The following MET variants were observed in gnomAD, a reference collection of about 807,000 sequenced individuals.
MET encodes the protein hepatocyte growth factor receptor.
Under a neutral mutation model 133.1 loss-of-function variants are expected in MET, and 48 were observed. That is an observed-to-expected ratio of 0.36 (90% confidence interval 0.29 to 0.46). The LOEUF (loss-of-function observed/expected upper bound fraction) is 0.46. Among genes scored for constraint, MET ranks in the 20% least tolerant of loss-of-function variants. The pLI, the probability that MET is intolerant of heterozygous loss-of-function variation, is 1.00. For missense variants in MET, 1,442 were observed against 1,695.9 expected, an observed-to-expected ratio of 0.85 and a Z score of 2.63; for synonymous variants, 628 against 616.5, an observed-to-expected ratio of 1.02 and a Z score of -0.28.
chr7:116,792,502 C>CACACACACACACACA (rs1795540633), intron 19 of MET, among the ~76,000 whole-genome samples: 3 of 132,528 alleles, frequency 2.3e-5, no homozygotes, highest in South Asian at 2.6e-4. Context: ...CACACACACA[C>CACACACACACACACA]CAGCTTCTCT....
chr7:116,742,626 A>G (rs1793504923), intron 5 of MET, among the ~76,000 whole-genome samples: 1 of 152,252 alleles, frequency 6.6e-6, no homozygotes, highest in African/African-American at 2.4e-5. Flanking sequence ...CCTTTTACTA[A>G]GCATAAAAGC....
intron 1 of MET, among the ~76,000 whole-genome samples, chr7:116,694,877 G>C (rs922954878): frequency 6.6e-6 from 1 of 151,954 alleles, no homozygotes; most frequent in African/African-American, 2.4e-5. Flanking sequence ...AGTAGAGACG[G>C]GGTTTCACCA....
chr7:116,763,138 A>G lies in MET; in HGVS notation c.2453A>G (p.Lys818Arg). 6.2e-7 allele frequency: 1 copy of G among 1,614,010 alleles called. No individual in the cohort carries two copies. Among genetic ancestry groups the G allele is most frequent in the Non-Finnish European group, 8.5e-7 (1 of 1,179,948 alleles). ...AATCTGCAACTCCCCCTGAAAACCA[A>G]AGCCTTTTTCATGTTAGATGGGATC... ...QLNLQLPLKT[K>R]AFFMLDGILS... The change falls in exon 11 of 21, where the codon AAA becomes AGA. Residue 818 changes from lysine (K) to arginine (R), a missense_variant. Physicochemically the swap from Lys to Arg is conservative, Grantham distance 26. This residue lies in a region of MET where 514 missense variants were observed against 659.6 expected (regional missense o/e 0.78). Transcript: ENST00000397752.
At chr7:116,771,427 G>A (rs2116990586) in intron 12 of MET, 71 bp from the exon 13 acceptor site, 1 of 1,587,044 alleles carries the variant, frequency 6.3e-7, no homozygotes, top group African/African-American at 1.3e-5. Flanking sequence ...GGGACCCAAA[G>A]TGCTACAACC....
intron 6 of MET, among the ~76,000 whole-genome samples, chr7:116,756,967 G>A (rs1195092347): frequency 1.3e-5 from 2 of 151,946 alleles, no homozygotes; most frequent in Admixed American, 1.3e-4. Flanking sequence ...AGTGGCTTAC[G>A]CCTGTGATCC....
chr7:116,691,941 A>T (rs536074433), intron 1 of MET, among the ~76,000 whole-genome samples: 72 of 152,300 alleles, frequency 4.7e-4, no homozygotes, highest in Admixed American at 1.3e-3. Context: ...CAGTCCCAGG[A>T]GATAGGAGAG....
At chr7:116,751,828 G>A (rs1381748037) in intron 5 of MET, among the ~76,000 whole-genome samples, 5 of 152,098 alleles carry the variant, frequency 3.3e-5, no homozygotes, top group Admixed American at 6.6e-5. Context: ...TTGGGAGGCC[G>A]AGGTGGGCAG....
At chr7:116,784,628 T>C (rs1343346143) in intron 19 of MET, among the ~76,000 whole-genome samples, 2 of 152,252 alleles carry the variant, frequency 1.3e-5, no homozygotes, top group East Asian at 1.9e-4. Context: ...GGAAGAAATC[T>C]GCCCCCATGA....
rs945406056 is a variant in MET at position 116,672,533 on chromosome 7, G to C, written c.-59G>C. 4 of 397,610 alleles carry C rather than the reference G, an allele frequency of 1.0e-5. No individual in the cohort carries two copies. The Admixed American group carries it at 1.8e-4, about 18-fold the overall frequency. 24.6% of individuals were successfully genotyped at this position (397,610 alleles called of 1,614,324 possible). A position where few individuals can be genotyped will look rare whatever the true frequency, so the allele number is the denominator to read the frequency against. ...CGGGGAGGCGCGGAGCGCGCGTGTG[G>C]TCCTTGCGCCGCTGACTTCTCCACT... On this transcript the variant is annotated 5_prime_UTR_variant, in exon 1 of 21. Coordinates refer to ENST00000397752, the MANE Select transcript of MET (RefSeq NM_000245.4).
intron 6 of MET, among the ~76,000 whole-genome samples, chr7:116,755,971 C>CT (rs1794163794): frequency 6.6e-6 from 1 of 152,132 alleles, no homozygotes; most frequent in African/African-American, 2.4e-5. Context: ...GTGTTTGAGA[C>CT]TTTTTTAGAT....
Position 116,796,210 on chromosome 7 carries a change from T to C in MET, c.*86T>C. On this transcript the variant is annotated 3_prime_UTR_variant, in exon 21 of 21. Transcript: ENST00000397752. ...CCTTTAAAAGGCCATCGATATTCTTTGCTCTTGCCAAAATTGCACTATTAT... is the reference window on the plus strand; with the variant it reads ...CCTTTAAAAGGCCATCGATATTCTTCGCTCTTGCCAAAATTGCACTATTAT... 1 of 1,269,850 alleles carries C rather than the reference T, an allele frequency of 7.9e-7. No homozygotes were observed. Among genetic ancestry groups the C allele is most frequent in the South Asian group, 1.2e-5 (1 of 83,672 alleles). 78.7% of individuals were successfully genotyped at this position (1,269,850 alleles called of 1,614,324 possible).
rs1554398360 is a variant in MET at position 116,771,849 on chromosome 7, A to G, written c.2888A>G (p.Asp963Gly). ...LWLKKRKQIK[D>G]LGSELVRYDA... ...GCTCTTTCTTTCTCTCTGTTTTAAG[A>G]TCTGGGCAGTGAATTAGTTCGCTAC... The change falls in exon 14 of 21, where the codon GAT becomes GGT. Residue 963 changes from aspartate to glycine, a missense_variant and splice_region_variant. Coordinates refer to ENST00000397752, the MANE Select transcript of MET (RefSeq NM_000245.4). The G allele has an allele frequency of 6.2e-7, 1 of 1,613,788 alleles. No individual in the cohort carries two copies. The highest frequency in any genetic ancestry group is 1.7e-5 in the Admixed American group (1 of 59,974).
At chr7:116,723,979 G>A (rs968901060) in intron 2 of MET, among the ~76,000 whole-genome samples, 2 of 152,246 alleles carry the variant, frequency 1.3e-5, no homozygotes, top group African/African-American at 4.8e-5. Context: ...TACAGAGGCA[G>A]GCAGGCCTCC....
chr7:116,734,889 C>G (rs748628043), intron 3 of MET, among the ~76,000 whole-genome samples: 89 of 152,274 alleles, frequency 5.8e-4, no homozygotes, highest in Non-Finnish European at 9.8e-4. Flanking sequence ...GTCCACGTCT[C>G]CCTTCTGAGC....
At chr7:116,678,433 T>G (rs1584850259) in intron 1 of MET, among the ~76,000 whole-genome samples, 1 of 27,454 alleles carries the variant, frequency 3.6e-5, no homozygotes, top group Non-Finnish European at 6.2e-5. Context: ...AAAATGTATG[T>G]TTTTTTTTAA....
At chr7:116,754,893 G>GAGAGAA (rs1794070994) in intron 5 of MET, among the ~76,000 whole-genome samples, 11 of 97,516 alleles carry the variant, frequency 1.1e-4, no homozygotes, top group African/African-American at 3.8e-4. Flanking sequence ...GAGAGAAAGA[G>GAGAGAA]AGAAAGAAAG....
chr7:116,710,572 A>G (rs1340437049), intron 2 of MET, among the ~76,000 whole-genome samples: 1 of 152,138 alleles, frequency 6.6e-6, no homozygotes, highest in Non-Finnish European at 1.5e-5. Flanking sequence ...TTTTTAGTAG[A>G]TTTTGCACAG....
rs376751279 is a variant in MET, at chr7:116,796,084, A to T, written c.4133A>T (p.Glu1378Val). Reference sequence around the variant, plus strand: ...TCATCAGAAGATAACGCTGATGATGAGGTGGACACACGACCAGCCTCCTTC... The same window carrying T: ...TCATCAGAAGATAACGCTGATGATGTGGTGGACACACGACCAGCCTCCTTC... ...LLSSEDNADD[E>V]VDTRPASFWE... Residue 1378 changes from glutamate (E) to valine (V), a missense_variant, in exon 21 of 21, where the codon GAG (glutamate) becomes GTG (valine). Transcript: ENST00000397752. 1 of 1,614,058 alleles carries T rather than the reference A, an allele frequency of 6.2e-7. No homozygotes were observed. The highest frequency in any genetic ancestry group is 8.5e-7 in the Non-Finnish European group (1 of 1,180,040).
intron 1 of MET, among the ~76,000 whole-genome samples, chr7:116,679,749 C>T (rs542490724): frequency 2.0e-5 from 3 of 152,088 alleles, no homozygotes; most frequent in African/African-American, 4.8e-5. Context: ...TCTATTGTGT[C>T]GGGGGAAAAC....
Sources: gnomAD v4.1 joint callset for allele counts (sites outside exome capture counted in the v4.1 genomes callset) on GRCh38, gnomAD v4.1.1 for gene constraint, gnomAD v4.1.1 regional missense constraint, MANE v1.5 for transcripts, NCBI Gene and HGNC (gene_info 2026-07-23, HGNC 2026-07-21) for gene names.